The following PTAFR variants were observed in gnomAD, a reference collection of about 807,000 sequenced individuals.
The protein encoded by PTAFR is platelet activating factor receptor.
Under a neutral mutation model 14.7 loss-of-function variants are expected in PTAFR, and 8 were observed. That is an observed-to-expected ratio of 0.54 (90% CI 0.32 to 0.98). The LOEUF is 0.98. Ranked by LOEUF, PTAFR falls within the 50% of genes least tolerant of loss-of-function variation. The probability of loss-of-function intolerance (pLI) is 0.04; values close to 1 mark genes in which losing one functional copy is unlikely to be tolerated. For synonymous variants in PTAFR, 156 were observed against 176.5 expected (o/e 0.88, Z 0.92); for missense variants, 337 against 451.2 (o/e 0.75, Z 2.29).
At chr1:28,153,581 CAAAA>C (rs36049566) in intron 1 of PTAFR, among the ~76,000 whole-genome samples, 2 of 62,654 alleles carry the variant, frequency 3.2e-5, no homozygotes, top group Non-Finnish European at 6.8e-5. Context: ...CCTGTCTCTA[CAAAA>C]AAAAAAAAAA....
At position 28,150,064 on chromosome 1, in the gene PTAFR, C is replaced by T; in HGVS notation, c.958G>A (p.Ala320Thr). The T allele has an allele frequency of 6.2e-7, 1 of 1,614,176 alleles. No homozygotes were observed. Among genetic ancestry groups the T allele is most frequent in the South Asian group, 1.1e-5 (1 of 91,076 alleles). The change falls in exon 2 of 2, where the codon GCC becomes ACC. Residue 320 changes from alanine (A) to threonine (T), a missense_variant. Transcript: ENST00000373857. This position sits in a 1 kb window ranked among gnomAD's most constrained non-coding sequence, Gnocchi z 6.3. ...ACTTCAGTGACCGTATCCGTGGTGG[C>T]CCGGGAGCATTTCCGGCTACTGCGC... ...SMRSSRKCSR[A>T]TTDTVTEVVV...
intron 1 of PTAFR, among the ~76,000 whole-genome samples, chr1:28,160,674 G>T (rs1264051767): frequency 6.6e-6 from 1 of 151,988 alleles, no homozygotes; most frequent in Non-Finnish European, 1.5e-5. Flanking sequence ...GTATACTTGG[G>T]TCTATCTGAC....
chr1:28,150,640 C>T lies in PTAFR; in HGVS notation c.382G>A (p.Ala128Thr), dbSNP rs1400412423. The change falls in exon 2 of 2, where the codon GCC becomes ACC. Residue 128 changes from alanine to threonine, a missense_variant. Coordinates refer to ENST00000373857, the MANE Select transcript of PTAFR (RefSeq NM_000952.5). The surrounding 1 kb of genome is among the most constrained non-coding windows in gnomAD (Gnocchi z 6.3). ...AVTRPIKTAQ[A>T]NTRKRGISLS... is the part of the protein sequence containing the mutation. The stretch of plus-strand genomic sequence containing the variant: ...GAGATGCCACGCTTGCGGGTGTTGG[C>T]CTGAGCAGTCTTGATGGGCCGAGTT... 2 of 1,614,008 alleles carry T rather than the reference C, an allele frequency of 1.2e-6. No homozygotes were observed. The highest frequency in any genetic ancestry group is 2.2e-5 in the East Asian group (1 of 44,898).
chr1:28,179,322 C>T (rs544404414), upstream of PTAFR, among the ~76,000 whole-genome samples: 25 of 152,320 alleles, frequency 1.6e-4, no homozygotes, highest in South Asian at 5.2e-3. Flanking sequence ...ACTGTTGGCT[C>T]GGCCTGCCTT....
intron 1 of PTAFR, among the ~76,000 whole-genome samples, chr1:28,169,235 A>C (rs1410377125): frequency 3.3e-5 from 5 of 152,106 alleles, no homozygotes; most frequent in Non-Finnish European, 5.9e-5. Context: ...AGTCTCTATA[A>C]AATAAATTTT....
At chr1:28,190,749 AGGG>A (rs1399628865) in intron 1 of PTAFR, among the ~76,000 whole-genome samples, 1 of 152,182 alleles carries the variant, frequency 6.6e-6, no homozygotes, top group East Asian at 1.9e-4. Context: ...GCAAGTTCCC[AGGG>A]AGACTCCTGG....
At chr1:28,167,588 GT>G (rs1179939956) in intron 1 of PTAFR, among the ~76,000 whole-genome samples, 1 of 145,500 alleles carries the variant, frequency 6.9e-6, no homozygotes, top group Non-Finnish European at 1.5e-5. Flanking sequence ...TGACCCAACA[GT>G]TCCGCTCTGG....
chr1:28,157,656 T>A (rs1043894941), intron 1 of PTAFR, among the ~76,000 whole-genome samples: 6 of 144,774 alleles, frequency 4.1e-5, no homozygotes, highest in Non-Finnish European at 7.6e-5. Context: ...TGAGGTGGAG[T>A]CTCCCTCTGT....
intron 1 of PTAFR, among the ~76,000 whole-genome samples, chr1:28,190,483 A>C (rs938554442): frequency 3.9e-5 from 6 of 152,212 alleles, no homozygotes; most frequent in Admixed American, 1.3e-4. Flanking sequence ...GATTATATTT[A>C]TCTTGTATTC....
At chr1:28,176,056 T>G (rs1383557936) in intron 1 of PTAFR, among the ~76,000 whole-genome samples, 3 of 151,982 alleles carry the variant, frequency 2.0e-5, no homozygotes, top group Admixed American at 2.0e-4. Context: ...AAAGCCAAAC[T>G]TGGGTGTTGG....
intron 1 of PTAFR, among the ~76,000 whole-genome samples, chr1:28,191,792 G>T (rs1005247033): frequency 6.6e-6 from 1 of 151,340 alleles, no homozygotes; most frequent in Non-Finnish European, 1.5e-5. Context: ...GCCAGGTGTG[G>T]TAGCTCATGC....
intron 1 of PTAFR, among the ~76,000 whole-genome samples, chr1:28,184,881 C>G (rs951104924): frequency 6.6e-6 from 1 of 152,130 alleles, no homozygotes; most frequent in Non-Finnish European, 1.5e-5. Flanking sequence ...CTCAAGTGAT[C>G]CACCTACCTC....
chr1:28,148,261 C>T lies in PTAFR; in HGVS notation c.*1732G>A, dbSNP rs763715238. On this transcript the variant is annotated 3_prime_UTR_variant, in exon 2 of 2. Transcript: ENST00000373857. ...TCACAAGCAGACATCTAGAGATCCC[C>T]AGGAGAAGCTGACACCTGGCTGACA... The T allele has an allele frequency of 2.6e-5, 4 of 152,226 alleles. No homozygotes were observed. The highest frequency in any genetic ancestry group is 4.8e-5 in the African/African-American group (2 of 41,398). 9.4% of individuals were successfully genotyped at this position (152,226 alleles called of 1,614,324 possible).
chr1:28,155,428 C>A (rs1397965391), intron 1 of PTAFR, among the ~76,000 whole-genome samples: 1 of 152,140 alleles, frequency 6.6e-6, no homozygotes, highest in Admixed American at 6.5e-5. Context: ...TCAGGCTGAT[C>A]TCGAACTCCT....
At chr1:28,181,779 C>G (rs1324612372) in intron 1 of PTAFR, among the ~76,000 whole-genome samples, 2 of 151,254 alleles carry the variant, frequency 1.3e-5, no homozygotes, top group Non-Finnish European at 2.9e-5. Flanking sequence ...AAATTCTAAA[C>G]AAGAAAAAAA....
chr1:28,150,064 C>A lies in PTAFR; in HGVS notation c.958G>T (p.Ala320Ser). The A allele has an allele frequency of 6.2e-7, 1 of 1,614,176 alleles. No individual in the cohort carries two copies. Among genetic ancestry groups the A allele is most frequent in the Non-Finnish European group, 8.5e-7 (1 of 1,180,030 alleles). ...ACTTCAGTGACCGTATCCGTGGTGG[C>A]CCGGGAGCATTTCCGGCTACTGCGC... ...SMRSSRKCSR[A>S]TTDTVTEVVV... is the part of the protein sequence containing the mutation. Residue 320 changes from alanine (A) to serine (S), a missense_variant, in exon 2 of 2, where the codon GCC (alanine) becomes TCC (serine). Coordinates refer to ENST00000373857, the MANE Select transcript of PTAFR (RefSeq NM_000952.5). The surrounding 1 kb of genome is among the most constrained non-coding windows in gnomAD (Gnocchi z 6.3).
At chr1:28,188,297 C>T (rs1391394580) in intron 1 of PTAFR, among the ~76,000 whole-genome samples, 1 of 151,996 alleles carries the variant, frequency 6.6e-6, no homozygotes, top group Non-Finnish European at 1.5e-5. Flanking sequence ...AATACAAAAA[C>T]TAGCCTGGTG....
At chr1:28,187,042 C>T (rs775381218) in intron 1 of PTAFR, among the ~76,000 whole-genome samples, 10 of 152,180 alleles carry the variant, frequency 6.6e-5, no homozygotes, top group East Asian at 3.9e-4. Flanking sequence ...CTGCCCGCCT[C>T]GGCCTCCCAA....
In PTAFR at chr1:28,147,190, T is replaced by C. The variant is rs1430366107; in HGVS notation, c.*2803A>G. On this transcript the variant is annotated 3_prime_UTR_variant, in exon 2 of 2. Transcript: ENST00000373857. Reference sequence around the variant, plus strand: ...CTTAATTTAAAGAAAACTTCTTTATTAAGTAAATGGACAGTTGGTACACAG... The same window carrying C: ...CTTAATTTAAAGAAAACTTCTTTATCAAGTAAATGGACAGTTGGTACACAG... 4 of 152,214 alleles carry C rather than the reference T, an allele frequency of 2.6e-5. No homozygotes were observed. Among genetic ancestry groups the C allele is most frequent in the Non-Finnish European group, 5.9e-5 (4 of 68,042 alleles). 9.4% of individuals were successfully genotyped at this position (152,214 alleles called of 1,614,324 possible).
Sources: allele counts gnomAD v4.1 joint callset (sites outside exome capture counted in the v4.1 genomes callset), GRCh38; gene constraint gnomAD v4.1.1; non-coding constraint Gnocchi (gnomAD v3.1); transcripts MANE v1.5; gene names NCBI Gene and HGNC (gene_info 2026-07-23, HGNC 2026-07-21).